Variants in DNAJC15 observed in about 807,000 individuals in gnomAD.
The protein encoded by DNAJC15 is DnaJ heat shock protein family (Hsp40) member C15.
In DNAJC15, 27 loss-of-function variants were observed where a neutral mutation model predicts 22.4. The ratio of observed to expected loss-of-function variants is 1.20; its 90% CI spans 0.89 to 1.66. DNAJC15 has a LOEUF of 1.66. Among genes scored for constraint, DNAJC15 ranks in the 40% most tolerant of loss-of-function variants. The pLI is 0.00. For missense variants in DNAJC15, 208 were observed against 187.1 expected (o/e 1.11, Z -0.65); for synonymous variants, 79 against 63.2 (o/e 1.25, Z -1.19).
intron 5 of DNAJC15, among the ~76,000 whole-genome samples, chr13:43,086,277 G>A (rs1417959989): frequency 3.9e-5 from 6 of 152,194 alleles, no homozygotes; most frequent in Non-Finnish European, 8.8e-5. Flanking sequence ...ATTCTGGAAG[G>A]CTCTGAGGCT....
At chr13:43,026,246 A>G (rs2040380201) in intron 1 of DNAJC15, among the ~76,000 whole-genome samples, 1 of 152,220 alleles carries the variant, frequency 6.6e-6, no homozygotes, top group African/African-American at 2.4e-5. Context: ...TGTAATAATG[A>G]TATATTTATA....
intron 1 of DNAJC15, among the ~76,000 whole-genome samples, chr13:43,034,242 C>T (rs975865139): frequency 4.7e-5 from 7 of 150,036 alleles, no homozygotes; most frequent in African/African-American, 9.9e-5. Flanking sequence ...TTATGCTCTC[C>T]ACTCCTTAAA....
At chr13:43,077,693 C>T (rs1297245836) in intron 3 of DNAJC15, among the ~76,000 whole-genome samples, 2 of 152,216 alleles carry the variant, frequency 1.3e-5, no homozygotes, top group African/African-American at 2.4e-5. Flanking sequence ...GCCACAGCCC[C>T]AGTGTCTGGG....
chr13:43,070,718 G>C (rs1030382109), intron 3 of DNAJC15, among the ~76,000 whole-genome samples: 7 of 152,132 alleles, frequency 4.6e-5, no homozygotes, highest in Admixed American at 2.6e-4. Flanking sequence ...AGTATATGAA[G>C]GGAATAGTGG....
At chr13:43,069,035 C>A in intron 3 of DNAJC15, 32 bp downstream of exon 3, 1 of 1,589,004 alleles carries the variant, frequency 6.3e-7, no homozygotes. Context: ...TTAGAAGACT[C>A]ATTTTGATTT....
At chr13:43,024,718 C>G (rs1443700075) in intron 1 of DNAJC15, among the ~76,000 whole-genome samples, 7 of 151,664 alleles carry the variant, frequency 4.6e-5, no homozygotes, top group Non-Finnish European at 8.8e-5. Context: ...CATGTATTTT[C>G]TTTAACCTGA....
rs1169834967 is a variant in DNAJC15 at position 43,097,169 on chromosome 13, C to T, written c.383-10009C>T. On this transcript the variant is annotated intron_variant, in intron 5 of 5. Coordinates refer to ENST00000379221, the MANE Select transcript of DNAJC15 (RefSeq NM_013238.3). ...TAGAGAATGGCAGCTGGAGGGGAGGCGGATGCTGATTTACTTATAGCCTTC... is the reference window on the plus strand; with the variant it reads ...TAGAGAATGGCAGCTGGAGGGGAGGTGGATGCTGATTTACTTATAGCCTTC... Among the ~76,000 whole-genome samples, 3 of 152,216 alleles carry T rather than the reference C, an allele frequency of 2.0e-5. No individual in the cohort carries two copies. In the South Asian group the frequency reaches 6.2e-4, roughly 32 times the overall value.
At chr13:43,034,708 A>G (rs928879471) in intron 1 of DNAJC15, among the ~76,000 whole-genome samples, 2 of 152,008 alleles carry the variant, frequency 1.3e-5, no homozygotes, top group African/African-American at 4.8e-5. Context: ...CCACTACCAC[A>G]TTTATTTTGT....
intron 5 of DNAJC15, among the ~76,000 whole-genome samples, chr13:43,099,048 T>A (rs1258859725): frequency 6.6e-6 from 1 of 152,224 alleles, no homozygotes; most frequent in Admixed American, 6.5e-5. Context: ...TTTCTATTTA[T>A]TTAGATCTTC....
At chr13:43,049,205 T>G (rs75040570) in intron 1 of DNAJC15, among the ~76,000 whole-genome samples, 2,253 of 152,364 alleles carry the variant, frequency 0.015, 33 homozygotes, top group Non-Finnish European at 0.023. Context: ...AGAAAATGAC[T>G]GTAGTTGTGG....
chr13:43,084,898 C>T (rs1415889436), intron 4 of DNAJC15, among the ~76,000 whole-genome samples: 3 of 152,100 alleles, frequency 2.0e-5, no homozygotes, highest in Non-Finnish European at 4.4e-5. Flanking sequence ...TAAAAGATAA[C>T]TATAATGAAG....
At chr13:43,081,249 A>G (rs1292996772) in intron 4 of DNAJC15, among the ~76,000 whole-genome samples, 1 of 152,200 alleles carries the variant, frequency 6.6e-6, no homozygotes, top group African/African-American at 2.4e-5. Flanking sequence ...TCCTCACTTA[A>G]TATCACCCAT....
intron 1 of DNAJC15, among the ~76,000 whole-genome samples, 170 bp downstream of exon 1, chr13:43,023,904 C>A (rs1003222369): frequency 5.9e-5 from 9 of 152,242 alleles, no homozygotes. Flanking sequence ...GGCTTTGACG[C>A]CTGGGCGTGG....
At chr13:43,084,886 G>A (rs2040679882) in intron 4 of DNAJC15, among the ~76,000 whole-genome samples, 1 of 152,104 alleles carries the variant, frequency 6.6e-6, no homozygotes, top group Non-Finnish European at 1.5e-5. Flanking sequence ...CCTCTGTAAA[G>A]GTAAAAGATA....
intron 1 of DNAJC15, among the ~76,000 whole-genome samples, chr13:43,048,249 GC>G (rs1200416527): frequency 6.6e-6 from 1 of 151,816 alleles, no homozygotes; most frequent in Non-Finnish European, 1.5e-5. Flanking sequence ...GGAGGCCAAG[GC>G]AGGTGGATCA....
At chr13:43,037,722 A>G (rs1352183549) in intron 1 of DNAJC15, among the ~76,000 whole-genome samples, 5 of 152,190 alleles carry the variant, frequency 3.3e-5, no homozygotes, top group Admixed American at 2.6e-4. Flanking sequence ...ACTAGTTTAT[A>G]TATATGAATG....
intron 5 of DNAJC15, among the ~76,000 whole-genome samples, chr13:43,103,167 TATTG>T (rs1566218532): frequency 6.6e-6 from 1 of 152,188 alleles, no homozygotes; most frequent in African/African-American, 2.4e-5. Flanking sequence ...TTTAGGAGTA[TATTG>T]ATTAATATTC....
At chr13:43,080,037 TATATA>T (rs1009116323) in intron 4 of DNAJC15, among the ~76,000 whole-genome samples, 1 of 152,206 alleles carries the variant, frequency 6.6e-6, no homozygotes, top group Non-Finnish European at 1.5e-5. Context: ...AAGATTAAAT[TATATA>T]ATATATGTGA....
intron 3 of DNAJC15, among the ~76,000 whole-genome samples, chr13:43,071,951 T>C (rs1338827829): frequency 1.3e-5 from 2 of 152,232 alleles, no homozygotes; most frequent in Non-Finnish European, 2.9e-5. Flanking sequence ...TTGTTTCTTT[T>C]GTTCTCACTG....
Sources: allele counts gnomAD v4.1 joint callset (sites outside exome capture counted in the v4.1 genomes callset), GRCh38; gene constraint gnomAD v4.1.1; transcripts MANE v1.5; gene names NCBI Gene and HGNC (gene_info 2026-07-23, HGNC 2026-07-21).